The following GTF2F2 variants were observed in gnomAD, a reference collection of about 807,000 sequenced individuals.
GTF2F2 encodes the protein general transcription factor IIF subunit 2.
GTF2F2 carries 23 observed loss-of-function variants against 42.2 expected under a neutral mutation model. The observed-to-expected ratio is 0.55, with a 90% CI of 0.39 to 0.77. The LOEUF (loss-of-function observed/expected upper bound fraction) is 0.77. Among genes scored for constraint, GTF2F2 ranks in the 30% least tolerant of loss-of-function variants. The probability of loss-of-function intolerance (pLI) is 0.00; values close to 1 mark genes in which losing one functional copy is unlikely to be tolerated. For missense variants in GTF2F2, 261 were observed against 287.2 expected, an observed-to-expected ratio of 0.91 and a Z score of 0.66; for synonymous variants, 105 against 100.8, an observed-to-expected ratio of 1.04 and a Z score of -0.25.
chr13:45,169,417 C>T (rs375636412), intron 4 of GTF2F2, among the ~76,000 whole-genome samples: 10 of 152,156 alleles, frequency 6.6e-5, no homozygotes, highest in African/African-American at 2.4e-4. Context: ...AAGTTGTAGG[C>T]ACCTCGATCT....
chr13:45,132,786 G>T (rs931149979), intron 1 of GTF2F2, among the ~76,000 whole-genome samples: 1 of 151,902 alleles, frequency 6.6e-6, no homozygotes, highest in Non-Finnish European at 1.5e-5. Context: ...GCTTTTTCTC[G>T]GTGGAAGAGG....
intron 5 of GTF2F2, among the ~76,000 whole-genome samples, chr13:45,237,502 A>G (rs1373733658): frequency 1.3e-5 from 2 of 152,216 alleles, no homozygotes; most frequent in Non-Finnish European, 2.9e-5. Flanking sequence ...AATAGCTAAA[A>G]TATACTGAAT....
chr13:45,136,127 C>G (rs1000240686), intron 1 of GTF2F2, among the ~76,000 whole-genome samples: 15 of 152,166 alleles, frequency 9.9e-5, no homozygotes, highest in Non-Finnish European at 1.9e-4. Context: ...ATTGTATAGT[C>G]CCTGAGTGCC....
chr13:45,152,829 A>G (rs913063666), intron 4 of GTF2F2, among the ~76,000 whole-genome samples: 1 of 152,210 alleles, frequency 6.6e-6, no homozygotes, highest in Non-Finnish European at 1.5e-5. Context: ...TTAGAATACT[A>G]TTAAAGCAAC....
At chr13:45,148,971 A>G (rs79350523) in intron 2 of GTF2F2, among the ~76,000 whole-genome samples, 7,899 of 152,170 alleles carry the variant, frequency 0.052, 272 homozygotes, top group East Asian at 0.12. Flanking sequence ...ATAGAGGAAA[A>G]TTGCTCATAA....
intron 4 of GTF2F2, among the ~76,000 whole-genome samples, chr13:45,181,173 C>T (rs374254525): frequency 1.2e-5 from 1 of 82,308 alleles, no homozygotes; most frequent in Non-Finnish European, 2.5e-5. Context: ...TCTCAAAAGA[C>T]AAAAAAACAA....
At chr13:45,200,850 A>G (rs1873147517) in intron 4 of GTF2F2, among the ~76,000 whole-genome samples, 1 of 152,236 alleles carries the variant, frequency 6.6e-6, no homozygotes, top group Admixed American at 6.5e-5. Flanking sequence ...TTATTTCTTC[A>G]GTCTTTTCCC....
intron 1 of GTF2F2, among the ~76,000 whole-genome samples, chr13:45,136,260 T>TA (rs1437985240): frequency 2.0e-5 from 3 of 152,254 alleles, no homozygotes; most frequent in Non-Finnish European, 4.4e-5. Flanking sequence ...ATATAAATGT[T>TA]AGCTATGCTG....
At chr13:45,180,394 G>T (rs1252847212) in intron 4 of GTF2F2, among the ~76,000 whole-genome samples, 2 of 152,044 alleles carry the variant, frequency 1.3e-5, no homozygotes, top group African/African-American at 4.8e-5. Context: ...TGCGTATTTT[G>T]TGTCTGTTTT....
intron 6 of GTF2F2, among the ~76,000 whole-genome samples, chr13:45,264,986 C>T (rs964954088): frequency 2.6e-5 from 4 of 152,106 alleles, no homozygotes; most frequent in African/African-American, 9.7e-5. Context: ...TGAGGCCAGG[C>T]GTGGTGGCTC....
chr13:45,156,328 A>G (rs2138126017), intron 4 of GTF2F2, among the ~76,000 whole-genome samples: 1 of 152,330 alleles, frequency 6.6e-6, no homozygotes, highest in Non-Finnish European at 1.5e-5. Flanking sequence ...TGGAGATAAT[A>G]TTTGAGCTGG....
At chr13:45,131,180 C>G (rs1274327584) in intron 1 of GTF2F2, among the ~76,000 whole-genome samples, 2 of 151,424 alleles carry the variant, frequency 1.3e-5, no homozygotes, top group Non-Finnish European at 2.9e-5. Flanking sequence ...TGCACTCCAG[C>G]CTGGGCAACA....
At chr13:45,128,022 G>A (rs1279916324) in intron 1 of GTF2F2, among the ~76,000 whole-genome samples, 1 of 133,884 alleles carries the variant, frequency 7.5e-6, no homozygotes, top group South Asian at 2.4e-4. Flanking sequence ...GTGCAGTGGC[G>A]CGATCTCGAC....
chr13:45,201,984 C>T (rs376087836), intron 4 of GTF2F2, among the ~76,000 whole-genome samples: 1 of 152,170 alleles, frequency 6.6e-6, no homozygotes, highest in African/African-American at 2.4e-5. Flanking sequence ...AGCACAGACA[C>T]ACAGAGGCCA....
intron 4 of GTF2F2, among the ~76,000 whole-genome samples, chr13:45,176,162 A>G (rs557184139): frequency 2.0e-5 from 3 of 152,338 alleles, no homozygotes; most frequent in South Asian, 4.1e-4. Context: ...CAATACTGCT[A>G]TAATTTCTAA....
At chr13:45,156,990 G>A (rs185265391) in intron 4 of GTF2F2, among the ~76,000 whole-genome samples, 1 of 152,268 alleles carries the variant, frequency 6.6e-6, no homozygotes, top group Non-Finnish European at 1.5e-5. Flanking sequence ...GTAAACATAA[G>A]TAAATTATAT....
intron 5 of GTF2F2, among the ~76,000 whole-genome samples, chr13:45,245,684 TATATATATATATATATACATATACATAC>T (rs1391906092): frequency 5.7e-5 from 4 of 69,794 alleles, no homozygotes; most frequent in African/African-American, 1.5e-4. Flanking sequence ...TATATATATA[TATATATATATATATATACATATACATAC>T]ACACACACAC....
chr13:45,175,137 A>G lies in GTF2F2; in HGVS notation c.304+23306A>G, dbSNP rs144234012. Among the ~76,000 whole-genome samples the G allele has an allele frequency of 6.4e-4, 98 of 152,272 alleles. No individual in the cohort carries two copies. In the East Asian group the frequency reaches 0.015, roughly 23 times the overall value. On this transcript the variant is annotated intron_variant, in intron 4 of 7. Transcript: ENST00000340473. ...TCCAGCCTCTAGTAATCACTATTCTATCTCCTTCTGTGAAATCAACTGTTT... is the reference window on the plus strand; with the variant it reads ...TCCAGCCTCTAGTAATCACTATTCTGTCTCCTTCTGTGAAATCAACTGTTT...
chr13:45,273,056 G>A lies in GTF2F2; in HGVS notation c.630+5680G>A, dbSNP rs545803895. Among the ~76,000 whole-genome samples the A allele has an allele frequency of 1.0e-3, 152 of 150,850 alleles. 1 individual carries two copies. Among genetic ancestry groups the A allele is most frequent in the African/African-American group, 3.4e-3 (141 of 41,018 alleles). ...GTTCTCTGCCTCAGCCTCCCGAGTA[G>A]CTGGAATTACGGGCGCCCGCCACCA... On this transcript the variant is annotated intron_variant, in intron 7 of 7. Coordinates refer to ENST00000340473, the MANE Select transcript of GTF2F2 (RefSeq NM_004128.3).
Sources: gnomAD v4.1 joint callset for allele counts (sites outside exome capture counted in the v4.1 genomes callset) on GRCh38, gnomAD v4.1.1 for gene constraint, MANE v1.5 for transcripts, NCBI Gene and HGNC (gene_info 2026-07-23, HGNC 2026-07-21) for gene names.